ATF2: variants seen among roughly 807,000 people sequenced by gnomAD.
ATF2 encodes activating transcription factor 2, also known as cyclic AMP-dependent transcription factor ATF-2.
Under a neutral mutation model 60.6 loss-of-function variants are expected in ATF2, and 24 were observed. That is an observed-to-expected ratio of 0.40 (90% CI 0.29 to 0.56). ATF2 has a LOEUF of 0.56. ATF2 is among the 20% of genes least tolerant of loss of function. The pLI is 0.54. For missense variants in ATF2, 433 were observed against 607.7 expected (o/e 0.71, Z 3.02); for synonymous variants, 206 against 215.4 (o/e 0.96, Z 0.38).
Position 175,079,496 on chromosome 2 carries a change from T to A in ATF2, c.1291+1164A>T, listed in dbSNP as rs74772429. Among the ~76,000 whole-genome samples the A allele has an allele frequency of 1.8e-3, 268 of 152,190 alleles. 2 individuals are homozygous for A. Among genetic ancestry groups the A allele is most frequent in the African/African-American group, 5.8e-3 (240 of 41,546 alleles). On this transcript the variant is annotated intron_variant, in intron 13 of 13. Transcript: ENST00000264110. ...AAACATATTTCTATATGGTTCCAATTTACTCCAATGTGTTTCACCATCCTG... is the reference window on the plus strand; with the variant it reads ...AAACATATTTCTATATGGTTCCAATATACTCCAATGTGTTTCACCATCCTG...
intron 11 of ATF2, among the ~76,000 whole-genome samples, chr2:175,094,880 C>G (rs985533012): frequency 6.6e-6 from 1 of 152,042 alleles, no homozygotes; most frequent in African/African-American, 2.4e-5. Flanking sequence ...GAAGTCGAGG[C>G]TGCAGTGAGC....
intron 13 of ATF2, chr2:175,080,335 C>A: frequency 6.0e-6 from 1 of 166,932 alleles, no homozygotes; most frequent in Admixed American, 6.3e-5. Context: ...AGTGTTTCAC[C>A]CTGTCAATCT....
At chr2:175,079,157 T>G (rs1328772466) in intron 13 of ATF2, among the ~76,000 whole-genome samples, 1 of 152,166 alleles carries the variant, frequency 6.6e-6, no homozygotes, top group African/African-American at 2.4e-5. Context: ...AATAACTGGT[T>G]TGCATCTGCT....
intron 4 of ATF2, among the ~76,000 whole-genome samples, chr2:175,125,557 A>C (rs1268639193): frequency 2.6e-5 from 4 of 152,156 alleles, no homozygotes; most frequent in African/African-American, 9.6e-5. Context: ...AAACTTAGAA[A>C]CGTGTAAACA....
intron 10 of ATF2, among the ~76,000 whole-genome samples, chr2:175,105,909 G>T (rs1331031229): frequency 1.3e-5 from 2 of 152,022 alleles, no homozygotes; most frequent in African/African-American, 4.8e-5. Context: ...GGTCAAAGAA[G>T]AAATCACAGG....
intron 2 of ATF2, among the ~76,000 whole-genome samples, chr2:175,146,506 A>AG (rs562496870): frequency 6.6e-6 from 1 of 152,332 alleles, no homozygotes; most frequent in South Asian, 2.1e-4. Flanking sequence ...AAAAACTTAT[A>AG]GAAGGAGTTT....
At chr2:175,145,491 G>A (rs1433583317) in intron 2 of ATF2, among the ~76,000 whole-genome samples, 1 of 152,206 alleles carries the variant, frequency 6.6e-6, no homozygotes, top group Non-Finnish European at 1.5e-5. Context: ...CTGAGAAGCT[G>A]AGCAGATGCC....
chr2:175,082,316 T>C (rs891079446), intron 12 of ATF2, among the ~76,000 whole-genome samples: 3 of 152,164 alleles, frequency 2.0e-5, no homozygotes, highest in African/African-American at 7.2e-5. Context: ...AATGGGTAGA[T>C]AGTAATCAAA....
chr2:175,089,583 G>A (rs780374706), intron 12 of ATF2, among the ~76,000 whole-genome samples: 2 of 152,112 alleles, frequency 1.3e-5, no homozygotes, highest in Admixed American at 1.3e-4. Context: ...AAGTCATTCT[G>A]TTCTTCACAG....
chr2:175,123,538 T>C (rs1230689544), intron 4 of ATF2, among the ~76,000 whole-genome samples: 2 of 152,046 alleles, frequency 1.3e-5, no homozygotes, highest in African/African-American at 4.8e-5. Flanking sequence ...TTGGATTAGT[T>C]TGACCCCAAA....
Position 175,119,742 on chromosome 2 carries a change from C to T in ATF2, c.200-1373G>A, listed in dbSNP as rs141501659. ...GTCCATCATGACTAAATTAGTAGGT[C>T]AAATCTAAATGTGACTCTTCTGTTC... On this transcript the variant is annotated intron_variant, in intron 5 of 13. Coordinates refer to ENST00000264110, the MANE Select transcript of ATF2 (RefSeq NM_001880.4). 6.6e-5 allele frequency among the ~76,000 whole-genome samples: 10 copies of T among 151,656 alleles called. 2 individuals are homozygous for T. Among genetic ancestry groups the T allele is most frequent in the African/African-American group, 2.4e-4 (10 of 41,486 alleles).
chr2:175,097,410 A>C (rs756295312), intron 11 of ATF2, 34 bp downstream of exon 11: 1 of 1,606,890 alleles, frequency 6.2e-7, no homozygotes, highest in Non-Finnish European at 8.5e-7. Context: ...TTTAAAGATG[A>C]CAGAGTGCTG....
At chr2:175,089,395 T>C (rs1240649773) in intron 12 of ATF2, among the ~76,000 whole-genome samples, 1 of 152,196 alleles carries the variant, frequency 6.6e-6, no homozygotes, top group Non-Finnish European at 1.5e-5. Context: ...ACCTCAACAC[T>C]TGTTAAACCT....
intron 1 of ATF2, among the ~76,000 whole-genome samples, chr2:175,163,136 AAAATAAATAAAT>A (rs576175911): frequency 4.5e-4 from 52 of 115,240 alleles, no homozygotes; most frequent in African/African-American, 1.7e-3. Context: ...TCTGTCTCAA[AAAATAAATAAAT>A]AAATAAATAA....
intron 12 of ATF2, among the ~76,000 whole-genome samples, chr2:175,090,174 C>T (rs1260528273): frequency 1.3e-5 from 2 of 152,080 alleles, no homozygotes; most frequent in African/African-American, 4.8e-5. Context: ...AGCAGTTTCT[C>T]CTTATTCTCC....
At chr2:175,161,335 A>G (rs1317899942) in intron 1 of ATF2, among the ~76,000 whole-genome samples, 1 of 152,262 alleles carries the variant, frequency 6.6e-6, no homozygotes, top group African/African-American at 2.4e-5. Context: ...GGGCTAGGCT[A>G]GATTATTTCT....
chr2:175,116,221 T>C (rs1186536586), intron 7 of ATF2, among the ~76,000 whole-genome samples: 3 of 152,108 alleles, frequency 2.0e-5, no homozygotes, highest in Non-Finnish European at 4.4e-5. Context: ...AGTTAGAAGG[T>C]AACTGTTAAT....
At chr2:175,134,196 T>C (rs1245259887) in intron 3 of ATF2, among the ~76,000 whole-genome samples, 1 of 152,168 alleles carries the variant, frequency 6.6e-6, no homozygotes, top group East Asian at 1.9e-4. Context: ...GTAACAACTA[T>C]TCACACAGCA....
intron 1 of ATF2, among the ~76,000 whole-genome samples, chr2:175,151,816 T>G (rs1310517834): frequency 6.6e-6 from 1 of 152,204 alleles, no homozygotes; most frequent in Non-Finnish European, 1.5e-5. Context: ...ATTTTGTTGG[T>G]CTGCCATCCT....
Sources: allele counts gnomAD v4.1 joint callset (sites outside exome capture counted in the v4.1 genomes callset), GRCh38; gene constraint gnomAD v4.1.1; transcripts MANE v1.5; gene names NCBI Gene and HGNC (gene_info 2026-07-23, HGNC 2026-07-21).